COL6A2: variants seen among roughly 807,000 people sequenced by gnomAD.
COL6A2 encodes collagen type VI alpha 2 chain.
COL6A2 carries 90 observed loss-of-function variants against 124.9 expected under a neutral mutation model. The ratio of observed to expected loss-of-function variants is 0.72; its 90% CI spans 0.61 to 0.86. COL6A2 has a LOEUF of 0.86. Ranked by LOEUF, COL6A2 falls within the 40% of genes least tolerant of loss-of-function variation. The pLI, the probability that COL6A2 is intolerant of heterozygous loss-of-function variation, is 0.00. For synonymous variants in COL6A2, 793 were observed against 618.2 expected (o/e 1.28, Z -4.19); for missense variants, 1,607 against 1,502.5 (o/e 1.07, Z -1.15).
At chr21:46,099,414 C>G (rs1323765761) in intron 1 of COL6A2, among the ~76,000 whole-genome samples, 2 of 135,562 alleles carry the variant, frequency 1.5e-5, no homozygotes, top group African/African-American at 2.7e-5. Context: ...GCTGAGATCG[C>G]GCCACTGCAC....
chr21:46,130,516 C>T (rs2078746913), intron 27 of COL6A2, among the ~76,000 whole-genome samples: 1 of 152,126 alleles, frequency 6.6e-6, no homozygotes, highest in Non-Finnish European at 1.5e-5. Flanking sequence ...GGCTGGTCTT[C>T]CCACTGTGGG....
intron 4 of COL6A2, 76 bp downstream of exon 4, chr21:46,112,900 T>C: frequency 1.3e-6 from 2 of 1,573,758 alleles, no homozygotes; most frequent in Non-Finnish European, 1.7e-6. Context: ...GGCTGCCGAC[T>C]CCTGGCGCCT....
At chr21:46,120,667 A>G (rs1477804494) in intron 16 of COL6A2, 90 bp downstream of exon 16, 30 of 1,250,798 alleles carry the variant, frequency 2.4e-5, no homozygotes, top group Non-Finnish European at 3.0e-5. Context: ...CCGGGACTGC[A>G]CCCCAAGGTA....
At chr21:46,103,985 AC>A (rs1194900971) in intron 1 of COL6A2, among the ~76,000 whole-genome samples, 1 of 152,250 alleles carries the variant, frequency 6.6e-6, no homozygotes, top group Non-Finnish European at 1.5e-5. Flanking sequence ...AAGTCATTGC[AC>A]ATGCTCAGGG....
At chr21:46,115,227 C>T (rs796945632) in intron 5 of COL6A2, among the ~76,000 whole-genome samples, 26 of 152,352 alleles carry the variant, frequency 1.7e-4, no homozygotes, top group African/African-American at 4.3e-4. Context: ...AGGTGCCAAG[C>T]GGAGCCCAGG....
chr21:46,132,451 A>C lies in COL6A2; in HGVS notation c.2959A>C (p.Thr987Pro). ...GSDVDMDVLT[T>P]LSLGDRAAVF... ...CGACGTGGACATGGACGTGCTCACC[A>C]CGCTCAGCCTGGGTGACCGCGCCGC... Residue 987 changes from threonine to proline, a missense_variant, in exon 28 of 28, where the codon ACG (threonine) becomes CCG (proline). Coordinates refer to ENST00000300527, the MANE Select transcript of COL6A2 (RefSeq NM_001849.4). 6.2e-7 allele frequency: 1 copy of C among 1,606,178 alleles called. No homozygotes were observed. The highest frequency in any genetic ancestry group is 2.2e-5 in the East Asian group (1 of 44,724).
intron 4 of COL6A2, chr21:46,113,096 GA>G (rs1568927005): frequency 1.7e-6 from 1 of 583,378 alleles, no homozygotes; most frequent in Non-Finnish European, 3.1e-6. Context: ...GGGCAGGTGG[GA>G]TCCATCCACC....
chr21:46,113,777 T>A, intron 4 of COL6A2: 1 of 597,284 alleles, frequency 1.7e-6, no homozygotes. Flanking sequence ...TTTTTAAACT[T>A]GCCTAGAACA....
chr21:46,132,085 C>T lies in COL6A2; in HGVS notation c.2593C>T (p.Leu865=). 1 of 1,600,916 alleles carries T rather than the reference C, an allele frequency of 6.2e-7. No individual in the cohort carries two copies. The highest frequency in any genetic ancestry group is 8.5e-7 in the Non-Finnish European group (1 of 1,176,218). The part of the protein sequence containing the change: ...FVEQVARRLT[L]ARRDDDPLNA... ...GGAGCAGGTGGCGCGGCGGCTGACGCTGGCCCGGAGGGACGACGACCCTCT... is the reference window on the plus strand; with the variant it reads ...GGAGCAGGTGGCGCGGCGGCTGACGTTGGCCCGGAGGGACGACGACCCTCT... Residue 865 remains leucine, a synonymous_variant, in exon 28 of 28, where the codon CTG becomes TTG. Transcript: ENST00000300527.
intron 27 of COL6A2, among the ~76,000 whole-genome samples, chr21:46,130,881 C>T (rs954679871): frequency 6.6e-6 from 1 of 152,234 alleles, no homozygotes; most frequent in African/African-American, 2.4e-5. Flanking sequence ...ACCCCATCTG[C>T]CAGCTCGTGC....
At position 46,132,728 on chromosome 21, in the gene COL6A2, T is replaced by A; in HGVS notation, c.*176T>A. 1 of 658,010 alleles carries A rather than the reference T, an allele frequency of 1.5e-6. No individual in the cohort carries two copies. Among genetic ancestry groups the A allele is most frequent in the South Asian group, 1.8e-5 (1 of 54,188 alleles). 40.8% of individuals were successfully genotyped at this position (658,010 alleles called of 1,614,324 possible). ...GCCCCGGCCCCCGCCCAGCCCCAGG[T>A]CTCCCCAGGCCCTCCGCAGGCTGCC... On this transcript the variant is annotated 3_prime_UTR_variant, in exon 28 of 28. Coordinates refer to ENST00000300527, the MANE Select transcript of COL6A2 (RefSeq NM_001849.4).
In COL6A2 at chr21:46,132,579, G is replaced by T; in HGVS notation, c.*27G>T. The T allele has an allele frequency of 6.4e-7, 1 of 1,564,990 alleles. No homozygotes were observed. The highest frequency in any genetic ancestry group is 8.6e-7 in the Non-Finnish European group (1 of 1,160,782). ...GCCGCCGCCCGGGCCCCGCAGTCGAGGGTCGTGAGCCCACCCCGTCCATGG... is the reference window on the plus strand; with the variant it reads ...GCCGCCGCCCGGGCCCCGCAGTCGATGGTCGTGAGCCCACCCCGTCCATGG... On this transcript the variant is annotated 3_prime_UTR_variant, in exon 28 of 28. Transcript: ENST00000300527.
At chr21:46,109,638 T>A (rs1454830212) in intron 1 of COL6A2, among the ~76,000 whole-genome samples, 1 of 152,094 alleles carries the variant, frequency 6.6e-6, no homozygotes, top group Admixed American at 6.5e-5. Context: ...GCCCACAGTT[T>A]GGAGGGGGCC....
intron 24 of COL6A2, 38 bp downstream of exon 24, chr21:46,125,349 C>G (rs764817863): frequency 1.9e-6 from 3 of 1,605,926 alleles, no homozygotes; most frequent in Admixed American, 1.7e-5. Context: ...GGCCCATGCA[C>G]CGGGTGGAGG....
Position 46,116,741 on chromosome 21 carries a change from A to G in COL6A2, c.955-29A>G. 2.5e-6 allele frequency: 4 copies of G among 1,613,052 alleles called. No individual in the cohort carries two copies. Among genetic ancestry groups the G allele is most frequent in the Non-Finnish European group, 3.4e-6 (4 of 1,180,012 alleles). Reference sequence around the variant, plus strand: ...GCTCAGGGCAGAAGGACCGGGGCTAATGGAGTTCCCTCTTCCTTCTCTCTT... The same window carrying G: ...GCTCAGGGCAGAAGGACCGGGGCTAGTGGAGTTCCCTCTTCCTTCTCTCTT... On this transcript the variant is annotated intron_variant, in intron 9 of 27. Coordinates refer to ENST00000300527, the MANE Select transcript of COL6A2 (RefSeq NM_001849.4). The surrounding 1 kb of genome is among the most constrained non-coding windows in gnomAD (Gnocchi z 4.6).
intron 20 of COL6A2, 56 bp from the exon 21 acceptor site, chr21:46,122,819 T>C: frequency 6.6e-7 from 1 of 1,521,836 alleles, no homozygotes; most frequent in East Asian, 2.2e-5. Flanking sequence ...ATCTCACTGG[T>C]GTCCCTGGTA....
intron 23 of COL6A2, 69 bp from the exon 24 acceptor site, chr21:46,125,197 C>T: frequency 2.7e-6 from 4 of 1,466,812 alleles, no homozygotes; most frequent in Non-Finnish European, 3.8e-6. Flanking sequence ...GACCCCCAGG[C>T]CAGGACCTTG....
At chr21:46,107,105 T>G (rs149358481) in intron 1 of COL6A2, among the ~76,000 whole-genome samples, 42 of 152,322 alleles carry the variant, frequency 2.8e-4, no homozygotes, top group African/African-American at 1.0e-3. Context: ...CTGCACATTT[T>G]TATTCAGTTG....
At chr21:46,126,378 C>T (rs2123665900) in intron 26 of COL6A2, 125 bp from the exon 27 acceptor site, 1 of 1,522,660 alleles carries the variant, frequency 6.6e-7, no homozygotes, top group Non-Finnish European at 9.1e-7. Context: ...GGGGTCGGGC[C>T]CTCTCGGGGC....
Sources: allele counts gnomAD v4.1 joint callset (sites outside exome capture counted in the v4.1 genomes callset), GRCh38; gene constraint gnomAD v4.1.1; non-coding constraint Gnocchi (gnomAD v3.1); transcripts MANE v1.5; gene names NCBI Gene and HGNC (gene_info 2026-07-23, HGNC 2026-07-21).